The following RIC3 variants were observed in gnomAD, a reference collection of about 807,000 sequenced individuals.
RIC3 encodes RIC3 acetylcholine receptor chaperone, also known as protein RIC-3.
A neutral mutation model predicts 27.3 loss-of-function variants in RIC3; 28 were observed. That is an observed-to-expected ratio of 1.02 (90% confidence interval 0.76 to 1.41). The LOEUF is 1.41. Among genes scored for constraint, RIC3 ranks in the 40% most tolerant of loss-of-function variants. The pLI, the probability that RIC3 is intolerant of heterozygous loss-of-function variation, is 0.00. For synonymous variants in RIC3, 184 were observed against 160.4 expected (o/e 1.15, Z -1.11); for missense variants, 501 against 444.7 (o/e 1.13, Z -1.14).
intron 5 of RIC3, among the ~76,000 whole-genome samples, chr11:8,118,509 A>T (rs1039140014): frequency 4.8e-5 from 7 of 146,614 alleles, no homozygotes; most frequent in African/African-American, 1.0e-4. Context: ...GGAGCTATTG[A>T]ATAGAAAGCC....
intron 1 of RIC3, among the ~76,000 whole-genome samples, chr11:8,163,862 T>C (rs561396737): frequency 2.6e-5 from 4 of 151,544 alleles, no homozygotes; most frequent in African/African-American, 4.8e-5. Flanking sequence ...AAAATTCCTA[T>C]GGAAATGCTA....
chr11:8,101,856 G>GACACGGCGAC, downstream of RIC3: 1 of 482,862 alleles, frequency 2.1e-6, no homozygotes, highest in South Asian at 3.7e-5. Flanking sequence ...TTCTTTCCAT[G>GACACGGCGAC]CCACGAGATC....
intron 1 of RIC3, among the ~76,000 whole-genome samples, chr11:8,157,578 T>G (rs190514180): frequency 6.6e-6 from 1 of 152,338 alleles, no homozygotes; most frequent in African/African-American, 2.4e-5. Context: ...AAGAACTTCT[T>G]GAATAAAGGC....
rs1944765182 is a variant in RIC3, at chr11:8,107,233, C to G, written c.*3465G>C. The G allele has an allele frequency of 6.6e-6, 1 of 152,164 alleles. No homozygotes were observed. The highest frequency in any genetic ancestry group is 1.5e-5 in the Non-Finnish European group (1 of 68,026). The allele number at this position is 152,164 out of a possible 1,614,324, so 9.4% of individuals were successfully genotyped here. On this transcript the variant is annotated 3_prime_UTR_variant, in exon 6 of 6. Coordinates refer to ENST00000309737, the MANE Select transcript of RIC3 (RefSeq NM_001206671.4). ...AAGCACTAAATTTTTCTTTGGAATACAAATAGTCCAGATTGAAGAGAACTT... is the reference window on the plus strand; with the variant it reads ...AAGCACTAAATTTTTCTTTGGAATAGAAATAGTCCAGATTGAAGAGAACTT...
chr11:8,111,195 AT>A (rs1467552255), intron 5 of RIC3, 58 bp from the exon 6 acceptor site: 4 of 1,149,880 alleles, frequency 3.5e-6, no homozygotes, highest in Non-Finnish European at 4.9e-6. Context: ...AAAAAAAAAA[AT>A]AGTGTCAGGT....
intron 1 of RIC3, among the ~76,000 whole-genome samples, chr11:8,144,787 C>T (rs938753825): frequency 2.0e-5 from 3 of 151,718 alleles, no homozygotes; most frequent in African/African-American, 7.3e-5. Context: ...ACCCAAATGT[C>T]CAACAATGAT....
At chr11:8,121,193 C>A (rs1035678554) in intron 5 of RIC3, among the ~76,000 whole-genome samples, 1 of 152,120 alleles carries the variant, frequency 6.6e-6, no homozygotes, top group South Asian at 2.1e-4. Context: ...ATTAATATCA[C>A]TTGTAGTTAA....
chr11:8,098,985 G>C, the RIC3 span: 1 of 818,906 alleles, frequency 1.2e-6, no homozygotes, highest in Non-Finnish European at 2.1e-6. Context: ...ACAAGGCTGT[G>C]TGGAGAGGGG....
At chr11:8,115,206 T>C (rs1475104447) in intron 5 of RIC3, among the ~76,000 whole-genome samples, 1 of 151,544 alleles carries the variant, frequency 6.6e-6, no homozygotes, top group African/African-American at 2.4e-5. Flanking sequence ...AGAAAAAAAG[T>C]ACATCACATT....
chr11:8,167,204 A>C (rs575194889), intron 1 of RIC3, among the ~76,000 whole-genome samples: 2 of 152,320 alleles, frequency 1.3e-5, no homozygotes, highest in South Asian at 4.1e-4. Context: ...AGTGGTAAAC[A>C]AGACAAAGTC....
intron 1 of RIC3, among the ~76,000 whole-genome samples, chr11:8,167,871 A>G (rs1382686504): frequency 6.6e-6 from 1 of 152,232 alleles, no homozygotes; most frequent in African/African-American, 2.4e-5. Context: ...TTCTGTAAAC[A>G]GAATTATGTG....
chr11:8,123,106 T>G (rs2133554773), intron 5 of RIC3, among the ~76,000 whole-genome samples: 1 of 152,066 alleles, frequency 6.6e-6, no homozygotes, highest in East Asian at 1.9e-4. Flanking sequence ...CTGAATAAGA[T>G]TAACAGTGGG....
the RIC3 span, chr11:8,096,928 C>G: frequency 8.9e-7 from 1 of 1,124,456 alleles, no homozygotes; most frequent in Non-Finnish European, 1.3e-6. Context: ...CCTCTTATGT[C>G]CCTCTACCTT....
At chr11:8,142,029 G>A (rs1418261954) in intron 1 of RIC3, among the ~76,000 whole-genome samples, 6 of 150,756 alleles carry the variant, frequency 4.0e-5, no homozygotes, top group African/African-American at 1.2e-4. Flanking sequence ...TCAAAGCAGT[G>A]TGTAGAGGGA....
At position 8,110,831 on chromosome 11, in the gene RIC3, C is replaced by A. The variant is rs766161039; in HGVS notation, c.977G>T (p.Ser326Ile). The A allele has an allele frequency of 8.7e-6, 14 of 1,614,084 alleles. No individual in the cohort carries two copies. The highest frequency in any genetic ancestry group is 1.2e-5 in the Non-Finnish European group (14 of 1,180,044). ...GGTGGTTTCCTCTTGCTCAGGGTAG[C>A]TATCTGCACTGAATCCAGCATTCTC... ...LAENAGFSADSYPEQEETTKE... is the reference protein window; with the variant it reads ...LAENAGFSADIYPEQEETTKE... The change falls in exon 6 of 6, where the codon AGC becomes ATC. Residue 326 changes from serine (S) to isoleucine (I), a missense_variant. Coordinates refer to ENST00000309737, the MANE Select transcript of RIC3 (RefSeq NM_001206671.4).
intron 4 of RIC3, among the ~76,000 whole-genome samples, chr11:8,127,483 A>G (rs984376792): frequency 3.3e-5 from 5 of 152,258 alleles, no homozygotes; most frequent in Non-Finnish European, 5.9e-5. Flanking sequence ...TTCTTGAAGC[A>G]CAGTGCTCAA....
intron 1 of RIC3, among the ~76,000 whole-genome samples, chr11:8,166,577 A>G (rs1354563081): frequency 1.3e-5 from 2 of 152,208 alleles, no homozygotes; most frequent in Non-Finnish European, 2.9e-5. Context: ...TAGAGAGAAC[A>G]TACAGTTTTA....
downstream of RIC3, chr11:8,101,340 T>C (rs1944292872): frequency 9.0e-7 from 1 of 1,113,474 alleles, no homozygotes; most frequent in Non-Finnish European, 1.3e-6. Context: ...CAATTGGCCT[T>C]TGTTTTACTT....
At chr11:8,160,779 G>A (rs75426246) in intron 1 of RIC3, among the ~76,000 whole-genome samples, 2 of 152,206 alleles carry the variant, frequency 1.3e-5, no homozygotes, top group Non-Finnish European at 1.5e-5. Context: ...AGCCTCTTCT[G>A]AGAGGGCTGT....
Sources: gnomAD v4.1 joint callset for allele counts (sites outside exome capture counted in the v4.1 genomes callset) on GRCh38, gnomAD v4.1.1 for gene constraint, MANE v1.5 for transcripts, NCBI Gene and HGNC (gene_info 2026-07-23, HGNC 2026-07-21) for gene names.